KLHL12: variants seen among roughly 807,000 people sequenced by gnomAD.
KLHL12 encodes kelch like family member 12.
A neutral mutation model predicts 60.8 loss-of-function variants in KLHL12; 17 were observed. The ratio of observed to expected loss-of-function variants is 0.28; its 90% confidence interval spans 0.19 to 0.42. The LOEUF (loss-of-function observed/expected upper bound fraction) is 0.42. Among genes scored for constraint, KLHL12 ranks in the 10% least tolerant of loss-of-function variants. KLHL12 has a pLI of 1.00. For missense variants in KLHL12, 468 were observed against 722.3 expected (o/e 0.65, Z 4.04); for synonymous variants, 220 against 250.9 (o/e 0.88, Z 1.16).
chr1:202,899,158 C>T (rs1024544131), intron 6 of KLHL12, among the ~76,000 whole-genome samples: 3 of 151,786 alleles, frequency 2.0e-5, no homozygotes, highest in Non-Finnish European at 2.9e-5. Context: ...ACTAAAAATA[C>T]AAAAATTAGC....
intron 4 of KLHL12, 134 bp downstream of exon 4, chr1:202,918,037 G>C: frequency 1.4e-6 from 1 of 696,052 alleles, no homozygotes; most frequent in Non-Finnish European, 2.5e-6. Flanking sequence ...TTTGGTACAG[G>C]AGGGGTTAAT....
rs947118241 is a variant in KLHL12 at position 202,927,138 on chromosome 1, G to C, written c.-95C>G. 3.0e-6 allele frequency: 3 copies of C among 985,300 alleles called. No homozygotes were observed. In the African/African-American group the frequency reaches 5.2e-5, roughly 17 times the overall value. The allele number at this position is 985,300 out of a possible 1,614,324, so 61.0% of individuals were successfully genotyped here. On this transcript the variant is annotated 5_prime_UTR_variant, in exon 1 of 12. Coordinates refer to ENST00000367261, the MANE Select transcript of KLHL12 (RefSeq NM_021633.4). ...GCACCGGGCCCGTCCCCAGCCTGTG[G>C]GGATGGAGTGCGGCGCGGGGCTAGC...
chr1:202,917,839 T>C (rs1445862418), intron 4 of KLHL12, among the ~76,000 whole-genome samples: 1 of 152,240 alleles, frequency 6.6e-6, no homozygotes, highest in Non-Finnish European at 1.5e-5. Flanking sequence ...AAGTGCTACA[T>C]AGTAGATATT....
At chr1:202,894,897 C>CA in intron 8 of KLHL12, 148 bp from the exon 9 acceptor site, 1 of 656,802 alleles carries the variant, frequency 1.5e-6, no homozygotes, top group Non-Finnish European at 2.6e-6. Flanking sequence ...GTTTTATAGA[C>CA]AAGGAAGACA....
chr1:202,902,636 T>C (rs964601923), intron 6 of KLHL12, among the ~76,000 whole-genome samples: 1 of 152,148 alleles, frequency 6.6e-6, no homozygotes, highest in Non-Finnish European at 1.5e-5. Context: ...ATATGAAACT[T>C]TTCCTGGTTG....
Position 202,925,211 on chromosome 1 carries a change from C to T in KLHL12, c.-45-4G>A. 1 of 1,593,800 alleles carries T rather than the reference C, an allele frequency of 6.3e-7. No individual in the cohort carries two copies. The highest frequency in any genetic ancestry group is 8.5e-7 in the Non-Finnish European group (1 of 1,173,032). On this transcript the variant is annotated splice_polypyrimidine_tract_variant and splice_region_variant and intron_variant, in intron 1 of 11. Transcript: ENST00000367261. ...AATGGGTCCTTGGATTCTGCAACTACAAGAGGGAAAAAAAAACAATGAGCA... is the reference window on the plus strand; with the variant it reads ...AATGGGTCCTTGGATTCTGCAACTATAAGAGGGAAAAAAAAACAATGAGCA...
intron 1 of KLHL12, among the ~76,000 whole-genome samples, chr1:202,925,785 T>C (rs1220391462): frequency 1.3e-5 from 2 of 152,122 alleles, no homozygotes; most frequent in Non-Finnish European, 2.9e-5. Flanking sequence ...TCTGATGACT[T>C]CCAAACATAT....
Position 202,918,329 on chromosome 1 carries a change from C to T in KLHL12, c.409G>A (p.Gly137Ser), listed in dbSNP as rs763045629. The T allele has an allele frequency of 1.2e-6, 2 of 1,614,110 alleles. No individual in the cohort carries two copies. The highest frequency in any genetic ancestry group is 1.7e-6 in the Non-Finnish European group (2 of 1,180,022). The change falls in exon 4 of 12, where the codon GGT becomes AGT. Residue 137 changes from glycine to serine, a missense_variant. Gly to Ser is a moderately conservative substitution (Grantham distance 56). Transcript: ENST00000367261. ...TGGGTTTCAGCAAAATCCCTAATAC[C>T]CAGGCAATTAGAAGGGTCCAACTGA... ...ESQLDPSNCLGIRDFAETHNC... is the reference protein window; with the variant it reads ...ESQLDPSNCLSIRDFAETHNC...
At chr1:202,907,374 G>A (rs183441153) in intron 6 of KLHL12, among the ~76,000 whole-genome samples, 248 of 152,142 alleles carry the variant, frequency 1.6e-3, no homozygotes, top group African/African-American at 5.7e-3. Flanking sequence ...GGCCAAGGTG[G>A]GTGGATCAAT....
chr1:202,912,107 C>G, intron 4 of KLHL12: 1 of 820,834 alleles, frequency 1.2e-6, no homozygotes, highest in South Asian at 1.3e-5. Flanking sequence ...TCTCAAAGAC[C>G]AGGTGCTCAC....
chr1:202,903,758 G>C (rs547582342), intron 6 of KLHL12, among the ~76,000 whole-genome samples: 1 of 151,160 alleles, frequency 6.6e-6, no homozygotes, highest in South Asian at 2.1e-4. Flanking sequence ...CAATAGCTGG[G>C]ATTACAGGCA....
At chr1:202,926,928 ACCGAGGCCAGATG>A (rs928375628) in intron 1 of KLHL12, among the ~76,000 whole-genome samples, 148 bp downstream of exon 1, 6 of 152,262 alleles carry the variant, frequency 3.9e-5, no homozygotes, top group Admixed American at 2.0e-4. Context: ...TGAGAGGGTG[ACCGAGGCCAGATG>A]CCCCACCCCA....
At chr1:202,921,518 T>C (rs980335445) in intron 2 of KLHL12, among the ~76,000 whole-genome samples, 1 of 152,222 alleles carries the variant, frequency 6.6e-6, no homozygotes, top group East Asian at 1.9e-4. Context: ...ATGCAGGTCA[T>C]CCTAAGGGAC....
chr1:202,919,022 G>T (rs775920531), intron 3 of KLHL12, among the ~76,000 whole-genome samples: 7 of 152,196 alleles, frequency 4.6e-5, no homozygotes, highest in Non-Finnish European at 8.8e-5. Context: ...AGGCAAGGTG[G>T]GAGGATCACT....
intron 10 of KLHL12, 133 bp downstream of exon 10, chr1:202,894,051 G>A: frequency 1.7e-6 from 1 of 577,446 alleles, no homozygotes; most frequent in Non-Finnish European, 3.1e-6. Context: ...CTAGTATTTA[G>A]AGAAAACAGA....
chr1:202,913,598 C>T (rs746176907), intron 4 of KLHL12, among the ~76,000 whole-genome samples: 5 of 152,108 alleles, frequency 3.3e-5, no homozygotes, highest in Non-Finnish European at 5.9e-5. Context: ...AATGAACAAT[C>T]TCACTATTAT....
chr1:202,921,524 G>A lies in KLHL12; in HGVS notation c.196-1616C>T, dbSNP rs575240393. Among the ~76,000 whole-genome samples, 27 of 152,248 alleles carry A rather than the reference G, an allele frequency of 1.8e-4. 1 individual carries two copies. The South Asian group carries it at 5.6e-3, about 32-fold the overall frequency. On this transcript the variant is annotated intron_variant, in intron 2 of 11. Coordinates refer to ENST00000367261, the MANE Select transcript of KLHL12 (RefSeq NM_021633.4). Reference sequence around the variant, plus strand: ...AAAAAGAACATGCAGGTCATCCTAAGGGACTTTCTTATGTAACATCATCTG... The same window carrying A: ...AAAAAGAACATGCAGGTCATCCTAAAGGACTTTCTTATGTAACATCATCTG...
chr1:202,920,007 T>G, intron 2 of KLHL12, 99 bp from the exon 3 acceptor site: 1 of 1,104,920 alleles, frequency 9.1e-7, no homozygotes, highest in South Asian at 1.4e-5. Flanking sequence ...TAATATTAAT[T>G]GAACATTTAT....
intron 6 of KLHL12, among the ~76,000 whole-genome samples, chr1:202,901,768 G>C (rs1455541307): frequency 1.3e-5 from 2 of 152,196 alleles, no homozygotes; most frequent in African/African-American, 4.8e-5. Context: ...ACTGCCAACA[G>C]AGCTTTTGAT....
Sources: allele counts gnomAD v4.1 joint callset (sites outside exome capture counted in the v4.1 genomes callset), GRCh38; gene constraint gnomAD v4.1.1; transcripts MANE v1.5; gene names NCBI Gene and HGNC (gene_info 2026-07-23, HGNC 2026-07-21).